PRELID2: variants seen among roughly 807,000 people sequenced by gnomAD.
The protein encoded by PRELID2 is PRELI domain-containing protein 2.
A neutral mutation model predicts 28.4 loss-of-function variants in PRELID2; 25 were observed. The ratio of observed to expected loss-of-function variants is 0.88; its 90% CI spans 0.64 to 1.23. The LOEUF (loss-of-function observed/expected upper bound fraction) is 1.23, where lower values mean the gene tolerates loss of function less well. Ranked by LOEUF, PRELID2 falls within the 50% of genes most tolerant of loss-of-function variation. The probability of loss-of-function intolerance (pLI) is 0.00; values close to 1 mark genes in which losing one functional copy is unlikely to be tolerated. For synonymous variants in PRELID2, 76 were observed against 71.6 expected, an observed-to-expected ratio of 1.06 and a Z score of -0.31; for missense variants, 201 against 214.4, an observed-to-expected ratio of 0.94 and a Z score of 0.39.
At chr5:145,695,928 G>A (rs867527318) in intron 1 of PRELID2, among the ~76,000 whole-genome samples, 53 of 152,208 alleles carry the variant, frequency 3.5e-4, no homozygotes, top group African/African-American at 1.2e-3. Flanking sequence ...TCAGAGGGGG[G>A]AGAATCACTG....
At chr5:145,381,760 A>T in the PRELID2 span, 1 of 152,294 alleles carries the variant, frequency 6.6e-6, no homozygotes, top group Non-Finnish European at 1.5e-5. Context: ...TAAGATAAGA[A>T]TACCACAAGT....
the PRELID2 span, among the ~76,000 whole-genome samples, chr5:145,289,553 T>C: frequency 2.0e-5 from 3 of 152,214 alleles, no homozygotes; most frequent in African/African-American, 7.2e-5. Context: ...AAAGCTACTA[T>C]AAATATTTGC....
intron 1 of PRELID2, among the ~76,000 whole-genome samples, chr5:145,544,552 C>T (rs1752770160): frequency 6.6e-6 from 1 of 152,040 alleles, no homozygotes; most frequent in African/African-American, 2.4e-5. Context: ...GGCATCTCAC[C>T]AGGATCTAGC....
chr5:145,704,727 A>T (rs1451998247), intron 1 of PRELID2, among the ~76,000 whole-genome samples: 2 of 152,220 alleles, frequency 1.3e-5, no homozygotes, highest in Non-Finnish European at 2.9e-5. Flanking sequence ...ATCTTGAGAA[A>T]GTTGGGCCAC....
At chr5:145,625,246 G>A (rs933364089) in intron 1 of PRELID2, among the ~76,000 whole-genome samples, 1 of 152,002 alleles carries the variant, frequency 6.6e-6, no homozygotes, top group Non-Finnish European at 1.5e-5. Context: ...AGAATCTCTT[G>A]TCCAGAACAC....
the PRELID2 span, among the ~76,000 whole-genome samples, chr5:145,320,561 C>A: frequency 6.6e-6 from 1 of 152,132 alleles, no homozygotes; most frequent in Non-Finnish European, 1.5e-5. Context: ...AAGTGGCCCT[C>A]TGGATAAGCC....
intron 1 of PRELID2, among the ~76,000 whole-genome samples, chr5:145,731,497 A>G (rs1242710408): frequency 6.6e-6 from 1 of 152,232 alleles, no homozygotes; most frequent in Non-Finnish European, 1.5e-5. Context: ...ATTTGGAGCC[A>G]AACACTTACT....
the PRELID2 span, chr5:145,381,723 G>A: frequency 4.6e-5 from 7 of 152,180 alleles, no homozygotes; most frequent in South Asian, 2.1e-4. Context: ...ATTTTTCTGC[G>A]AACAAAACAA....
intron 1 of PRELID2, among the ~76,000 whole-genome samples, chr5:145,828,978 C>T (rs1236295774): frequency 2.0e-5 from 3 of 151,684 alleles, no homozygotes; most frequent in African/African-American, 7.3e-5. Flanking sequence ...CCTGGGACTA[C>T]AGGTGTGTGC....
At chr5:145,668,717 G>T (rs1754645696) in intron 1 of PRELID2, among the ~76,000 whole-genome samples, 1 of 152,018 alleles carries the variant, frequency 6.6e-6, no homozygotes. Flanking sequence ...AAGGAAAGTG[G>T]CTCAAAGACT....
At chr5:145,337,057 A>G in the PRELID2 span, among the ~76,000 whole-genome samples, 2 of 151,612 alleles carry the variant, frequency 1.3e-5, no homozygotes, top group African/African-American at 2.4e-5. Context: ...GCACATGTAT[A>G]CATATGTAAC....
intron 1 of PRELID2, among the ~76,000 whole-genome samples, chr5:145,667,940 G>A (rs1291463193): frequency 2.6e-5 from 4 of 151,970 alleles, no homozygotes; most frequent in African/African-American, 4.8e-5. Context: ...CAGTGAGTTC[G>A]GGTAGAGACA....
chr5:145,713,512 C>T (rs750993989), intron 1 of PRELID2, among the ~76,000 whole-genome samples: 130 of 142,434 alleles, frequency 9.1e-4, no homozygotes, highest in Non-Finnish European at 1.6e-3. Flanking sequence ...TGCCAGAAGA[C>T]AATGGAATTA....
chr5:145,823,648 A>C (rs543398535), intron 1 of PRELID2, among the ~76,000 whole-genome samples: 2 of 152,288 alleles, frequency 1.3e-5, no homozygotes, highest in South Asian at 2.1e-4. Context: ...TTTAATACAG[A>C]GTGGACCTCT....
At chr5:145,594,755 T>C (rs1440894472) in intron 1 of PRELID2, among the ~76,000 whole-genome samples, 1 of 152,186 alleles carries the variant, frequency 6.6e-6, no homozygotes, top group Non-Finnish European at 1.5e-5. Context: ...TTGTCAGTAA[T>C]TTGAGGTTTT....
the PRELID2 span, among the ~76,000 whole-genome samples, chr5:145,433,064 C>G: frequency 6.6e-6 from 1 of 152,126 alleles, no homozygotes; most frequent in African/African-American, 2.4e-5. Context: ...ACATTACTTA[C>G]TAAGATGCCC....
At chr5:145,515,914 G>C (rs1752511664) in intron 1 of PRELID2, among the ~76,000 whole-genome samples, 1 of 152,158 alleles carries the variant, frequency 6.6e-6, no homozygotes, top group Non-Finnish European at 1.5e-5. Context: ...AATAGATGCA[G>C]AAAAGGCCTT....
chr5:145,597,235 G>A (rs559157183), intron 1 of PRELID2, among the ~76,000 whole-genome samples: 152 of 152,224 alleles, frequency 1.0e-3, no homozygotes, highest in African/African-American at 2.6e-3. Context: ...CTATGTATTA[G>A]CAACTAAATG....
the PRELID2 span, among the ~76,000 whole-genome samples, chr5:145,282,682 G>T: frequency 6.6e-6 from 1 of 151,824 alleles, no homozygotes; most frequent in African/African-American, 2.4e-5. Context: ...AACATGCCCG[G>T]CTAATTTTTG....
Sources: gnomAD v4.1 joint callset for allele counts (sites outside exome capture counted in the v4.1 genomes callset) on GRCh38, gnomAD v4.1.1 for gene constraint, MANE v1.5 for transcripts, NCBI Gene and HGNC (gene_info 2026-07-23, HGNC 2026-07-21) for gene names.